PTPRD: variants seen among roughly 807,000 people sequenced by gnomAD.
PTPRD encodes the protein protein tyrosine phosphatase receptor type D, also known as receptor-type tyrosine-protein phosphatase delta.
A neutral mutation model predicts 214.5 loss-of-function variants in PTPRD; 34 were observed. The ratio of observed to expected loss-of-function variants is 0.16; its 90% confidence interval spans 0.12 to 0.21. The LOEUF is 0.21. Among genes scored for constraint, PTPRD ranks in the 10% least tolerant of loss-of-function variants. The pLI is 1.00. For missense variants in PTPRD, 2,545 were observed against 2,398.7 expected (o/e 1.06, Z -1.27); for synonymous variants, 1,128 against 845.7 (o/e 1.33, Z -5.79).
At chr9:10,036,280 T>G (rs1313789733) in intron 3 of PTPRD, among the ~76,000 whole-genome samples, 1 of 152,096 alleles carries the variant, frequency 6.6e-6, no homozygotes, top group African/African-American at 2.4e-5. Flanking sequence ...ATACAAATGG[T>G]AGATTGTTGA....
At chr9:9,346,126 C>T (rs904671219) in intron 9 of PTPRD, among the ~76,000 whole-genome samples, 2 of 152,070 alleles carry the variant, frequency 1.3e-5, no homozygotes, top group African/African-American at 4.8e-5. Flanking sequence ...AAGACAAATT[C>T]CTTAATAAAA....
At chr9:10,086,407 C>T (rs777969124) in intron 3 of PTPRD, among the ~76,000 whole-genome samples, 1 of 151,618 alleles carries the variant, frequency 6.6e-6, no homozygotes. Flanking sequence ...GGAAAATTTC[C>T]CATAATATGG....
chr9:8,826,574 A>G (rs1307463762), intron 11 of PTPRD, among the ~76,000 whole-genome samples: 1 of 150,568 alleles, frequency 6.6e-6, no homozygotes, highest in Non-Finnish European at 1.5e-5. Context: ...ATTCCTTCTC[A>G]TCCTTCAGGT....
intron 8 of PTPRD, among the ~76,000 whole-genome samples, chr9:9,439,889 T>G (rs2086830196): frequency 6.6e-6 from 1 of 152,220 alleles, no homozygotes; most frequent in Admixed American, 6.5e-5. Context: ...TAAATAATTT[T>G]TCCAGTGTCT....
At chr9:10,016,683 T>C (rs562718493) in intron 4 of PTPRD, among the ~76,000 whole-genome samples, 11 of 151,572 alleles carry the variant, frequency 7.3e-5, no homozygotes, top group African/African-American at 1.2e-4. Context: ...GTTTTTTTTT[T>C]CCACAGAATT....
chr9:8,770,210 G>A (rs922750166), intron 11 of PTPRD, among the ~76,000 whole-genome samples: 4 of 152,024 alleles, frequency 2.6e-5, no homozygotes, highest in African/African-American at 9.7e-5. Context: ...TGAACCGGGA[G>A]AAGTGGAGGT....
At chr9:9,258,920 C>G (rs1251759376) in intron 9 of PTPRD, among the ~76,000 whole-genome samples, 1 of 151,564 alleles carries the variant, frequency 6.6e-6, no homozygotes, top group Non-Finnish European at 1.5e-5. Context: ...CCTATTTTTC[C>G]AAAAATTGTG....
In PTPRD at chr9:8,484,126, T is replaced by G. The variant is rs775446646; in HGVS notation, c.3406A>C (p.Asn1136His). The G allele has an allele frequency of 6.2e-7, 1 of 1,613,314 alleles. No homozygotes were observed. The highest frequency in any genetic ancestry group is 8.5e-7 in the Non-Finnish European group (1 of 1,179,338). Residue 1136 changes from asparagine (N) to histidine (H), a missense_variant, in exon 30 of 46, where the codon AAT (asparagine) becomes CAT (histidine). Coordinates refer to ENST00000381196, the MANE Select transcript of PTPRD (RefSeq NM_002839.4). ...VQLPEVPANE[N>H]IKGYYIIIVP... is the part of the protein sequence containing the mutation. The stretch of plus-strand genomic sequence containing the variant: ...AGCCTTCAATCAACTTACTTTATAT[T>G]CTCATTTGCAGGTACTTCAGGCAGT...
At chr9:9,736,160 T>C (rs754900515) in intron 6 of PTPRD, among the ~76,000 whole-genome samples, 6 of 152,138 alleles carry the variant, frequency 3.9e-5, no homozygotes, top group African/African-American at 4.8e-5. Context: ...TAGGATGTCA[T>C]TGAATATATT....
chr9:10,242,125 T>C (rs2091195945), intron 3 of PTPRD, among the ~76,000 whole-genome samples: 2 of 151,952 alleles, frequency 1.3e-5, no homozygotes, highest in African/African-American at 4.8e-5. Flanking sequence ...ATAAAAGGTA[T>C]GTGATCAATT....
At chr9:9,686,442 T>C (rs974638214) in intron 7 of PTPRD, among the ~76,000 whole-genome samples, 41 of 151,340 alleles carry the variant, frequency 2.7e-4, no homozygotes, top group South Asian at 2.1e-4. Flanking sequence ...ACAGTGATTA[T>C]CTAGAATAGA....
chr9:10,545,814 C>T (rs1022536624), intron 2 of PTPRD, among the ~76,000 whole-genome samples: 3 of 152,076 alleles, frequency 2.0e-5, no homozygotes, highest in Non-Finnish European at 4.4e-5. Flanking sequence ...TTTACTTCCT[C>T]TCTTGTATTT....
intron 9 of PTPRD, among the ~76,000 whole-genome samples, chr9:9,341,997 C>T (rs1272797315): frequency 6.6e-6 from 1 of 152,026 alleles, no homozygotes; most frequent in Middle Eastern, 3.4e-3. Context: ...TTAGTAGAGA[C>T]AGGATTTTGC....
intron 5 of PTPRD, among the ~76,000 whole-genome samples, chr9:9,919,077 T>C (rs889818438): frequency 1.3e-5 from 2 of 152,138 alleles, no homozygotes; most frequent in African/African-American, 2.4e-5. Context: ...CAACTAAAAA[T>C]AGCTTTAAAA....
At chr9:8,498,427 G>A (rs534270745) in intron 25 of PTPRD, among the ~76,000 whole-genome samples, 12 of 152,118 alleles carry the variant, frequency 7.9e-5, no homozygotes, top group Non-Finnish European at 1.3e-4. Context: ...ACAGGCGTGT[G>A]CCGCCACGCC....
chr9:10,065,163 G>GAAAGAAAGAAAGAAAGAAAA (rs2097853038), intron 3 of PTPRD, among the ~76,000 whole-genome samples: 1 of 150,218 alleles, frequency 6.7e-6, no homozygotes, highest in Admixed American at 6.7e-5. Flanking sequence ...AAGAAAGAAA[G>GAAAGAAAGAAAGAAAGAAAA]AAAGAAAGAA....
chr9:9,877,147 T>C (rs1448218939), intron 5 of PTPRD, among the ~76,000 whole-genome samples: 2 of 152,172 alleles, frequency 1.3e-5, no homozygotes, highest in African/African-American at 4.8e-5. Flanking sequence ...ATAGTAATTC[T>C]TGGGATATAG....
intron 11 of PTPRD, among the ~76,000 whole-genome samples, chr9:8,836,936 A>G (rs1240745200): frequency 6.6e-6 from 1 of 151,676 alleles, no homozygotes; most frequent in Non-Finnish European, 1.5e-5. Context: ...ATCTCAAGCT[A>G]ACCCCCCAAT....
intron 11 of PTPRD, among the ~76,000 whole-genome samples, chr9:8,849,649 T>G (rs2097774529): frequency 6.6e-6 from 1 of 152,090 alleles, no homozygotes; most frequent in Non-Finnish European, 1.5e-5. Context: ...AGAAAGGAGA[T>G]TCCAGGAACA....
Sources: allele counts gnomAD v4.1 joint callset (sites outside exome capture counted in the v4.1 genomes callset), GRCh38; gene constraint gnomAD v4.1.1; transcripts MANE v1.5; gene names NCBI Gene and HGNC (gene_info 2026-07-23, HGNC 2026-07-21).